Variants in UTP6 observed in about 807,000 individuals in gnomAD.
The protein encoded by UTP6 is UTP6 small subunit processome component, also known as U3 small nucleolar RNA-associated protein 6 homolog.
In UTP6, 60 loss-of-function variants were observed where a neutral mutation model predicts 96.5. The ratio of observed to expected loss-of-function variants is 0.62; its 90% CI spans 0.51 to 0.77. The LOEUF (loss-of-function observed/expected upper bound fraction) is 0.77, where lower values mean the gene tolerates loss of function less well. UTP6 is among the 30% of genes least tolerant of loss of function. UTP6 has a pLI of 0.00. For missense variants in UTP6, 637 were observed against 706.5 expected (o/e 0.90, Z 1.12); for synonymous variants, 215 against 240.1 (o/e 0.90, Z 0.96).
intron 1 of UTP6, chr17:31,901,253 A>G: frequency 2.3e-6 from 1 of 431,480 alleles, no homozygotes; most frequent in East Asian, 3.9e-5. Flanking sequence ...CACTCTGCCC[A>G]ATTAGCTCCT....
intron 18 of UTP6, among the ~76,000 whole-genome samples, chr17:31,864,540 G>A (rs928232529): frequency 2.0e-5 from 3 of 152,120 alleles, no homozygotes; most frequent in East Asian, 3.9e-4. Flanking sequence ...AGCATCTCAC[G>A]TTTACCCCTT....
chr17:31,899,810 A>T (rs909996405), intron 1 of UTP6, 80 bp from the exon 2 acceptor site: 1 of 1,058,996 alleles, frequency 9.4e-7, no homozygotes, highest in Non-Finnish European at 1.3e-6. Context: ...TATTTAAAAC[A>T]TGTTTTTCAA....
At position 31,887,333 on chromosome 17, in the gene UTP6, T is replaced by G; in HGVS notation, c.544-20A>C. 1 of 1,609,270 alleles carries G rather than the reference T, an allele frequency of 6.2e-7. No homozygotes were observed. The highest frequency in any genetic ancestry group is 1.7e-4 in the Middle Eastern group (1 of 6,022). ...AAAGTACTACAGAAGAGAAATAAAC[T>G]GAAAATCTTTGGAGATGCTTTTTAA... is the stretch of plus-strand genomic sequence containing the variant. On this transcript the variant is annotated intron_variant, in intron 7 of 18. Transcript: ENST00000261708.
intron 6 of UTP6, 176 bp downstream of exon 6, chr17:31,892,084 A>T: frequency 1.6e-6 from 1 of 625,642 alleles, no homozygotes; most frequent in Non-Finnish European, 2.8e-6. Flanking sequence ...AGTAACTAGT[A>T]TATAGTAGGC....
At chr17:31,891,744 C>T (rs897894417) in intron 6 of UTP6, among the ~76,000 whole-genome samples, 1 of 152,136 alleles carries the variant, frequency 6.6e-6, no homozygotes, top group African/African-American at 2.4e-5. Context: ...ACAGTCTGGC[C>T]GGGAGTGGTG....
chr17:31,899,497 A>C (rs1412497318), intron 2 of UTP6, 149 bp downstream of exon 2: 1 of 449,938 alleles, frequency 2.2e-6, no homozygotes, highest in Non-Finnish European at 3.7e-6. Context: ...GAGGTAGGAG[A>C]ATCGCTTGAG....
At chr17:31,867,559 T>C (rs1007616386) in intron 17 of UTP6, among the ~76,000 whole-genome samples, 8 of 151,662 alleles carry the variant, frequency 5.3e-5, no homozygotes, top group Admixed American at 6.6e-5. Flanking sequence ...AAACATATAC[T>C]TTCTCTTTGC....
At chr17:31,899,751 A>G (rs755961503) in intron 1 of UTP6, 21 bp from the exon 2 acceptor site, 3 of 1,526,550 alleles carry the variant, frequency 2.0e-6, no homozygotes, top group Admixed American at 2.2e-5. Flanking sequence ...AGCCATTTAA[A>G]CTTCACTTGA....
intron 17 of UTP6, 118 bp from the exon 18 acceptor site, chr17:31,865,556 G>C: frequency 1.0e-6 from 1 of 957,044 alleles, no homozygotes. Context: ...AGTTTAACAT[G>C]AACACAACTT....
chr17:31,864,943 G>A (rs1363292034), intron 18 of UTP6, among the ~76,000 whole-genome samples: 2 of 152,102 alleles, frequency 1.3e-5, no homozygotes, highest in South Asian at 2.1e-4. Context: ...AAGTGAGGAG[G>A]CAGAGGAAGG....
intron 16 of UTP6, among the ~76,000 whole-genome samples, chr17:31,872,518 T>A (rs9900031): frequency 1.3e-5 from 2 of 150,784 alleles, no homozygotes; most frequent in Non-Finnish European, 2.9e-5. Context: ...AAAAAAAAAA[T>A]GTTTTAAGTT....
At chr17:31,896,860 T>C (rs966630258) in intron 2 of UTP6, among the ~76,000 whole-genome samples, 2 of 152,000 alleles carry the variant, frequency 1.3e-5, no homozygotes, top group Admixed American at 6.6e-5. Flanking sequence ...GGTCTTGAAC[T>C]CCTGGGCTCA....
chr17:31,866,286 CAAAAAAAA>C (rs869110895), intron 17 of UTP6, among the ~76,000 whole-genome samples: 1 of 58,066 alleles, frequency 1.7e-5, no homozygotes, highest in Non-Finnish European at 3.9e-5. Flanking sequence ...GACTCTGTCT[CAAAAAAAA>C]AAAAAAAAAA....
At chr17:31,874,407 A>C (rs1567780506) in intron 14 of UTP6, 1 of 151,906 alleles carries the variant, frequency 6.6e-6, no homozygotes, top group Non-Finnish European at 1.5e-5. Context: ...TTAGCTGGGC[A>C]TGGTGGTGGG....
In UTP6 at chr17:31,867,959, A is replaced by G. The variant is rs144379738; in HGVS notation, c.1563+87T>C. ...CAACAGAGCGAGACTCTGCCTCAAA[A>G]AAAACAAAAAAACAAAAAACAGTCT... On this transcript the variant is annotated intron_variant, in intron 17 of 18. Coordinates refer to ENST00000261708, the MANE Select transcript of UTP6 (RefSeq NM_018428.3). 308 of 1,414,150 alleles carry G rather than the reference A, an allele frequency of 2.2e-4. 2 individuals carry two copies. In the East Asian group the frequency reaches 7.6e-3, roughly 35 times the overall value. 87.6% of individuals were successfully genotyped at this position (1,414,150 alleles called of 1,614,324 possible).
intron 14 of UTP6, 86 bp from the exon 15 acceptor site, chr17:31,873,839 A>G: frequency 7.0e-7 from 1 of 1,421,072 alleles, no homozygotes. Flanking sequence ...AATATTATGT[A>G]TCAATTTTTT....
intron 16 of UTP6, among the ~76,000 whole-genome samples, chr17:31,871,710 A>C (rs1910180114): frequency 6.6e-6 from 1 of 152,056 alleles, no homozygotes; most frequent in African/African-American, 2.4e-5. Context: ...CCTGGGCAAC[A>C]CAGTGAAACC....
chr17:31,885,474 T>A (rs552836423), intron 9 of UTP6, among the ~76,000 whole-genome samples: 4 of 148,066 alleles, frequency 2.7e-5, no homozygotes, highest in Admixed American at 6.7e-5. Flanking sequence ...GGGAAAAAAA[T>A]GGGAGTAGAA....
At chr17:31,882,902 C>G (rs1368867667) in intron 10 of UTP6, among the ~76,000 whole-genome samples, 1 of 152,170 alleles carries the variant, frequency 6.6e-6, no homozygotes, top group Non-Finnish European at 1.5e-5. Flanking sequence ...CCTCCCACCT[C>G]AGCCCCGCAA....
Sources: gnomAD v4.1 joint callset for allele counts (sites outside exome capture counted in the v4.1 genomes callset) on GRCh38, gnomAD v4.1.1 for gene constraint, MANE v1.5 for transcripts, NCBI Gene and HGNC (gene_info 2026-07-23, HGNC 2026-07-21) for gene names.